PLD5: variants seen among roughly 807,000 people sequenced by gnomAD.
The protein encoded by PLD5 is phospholipase D family member 5.
Under a neutral mutation model 61.1 loss-of-function variants are expected in PLD5, and 36 were observed. That is an observed-to-expected ratio of 0.59 (90% CI 0.45 to 0.78). The LOEUF (loss-of-function observed/expected upper bound fraction) is 0.78, where lower values mean the gene tolerates loss of function less well. Among genes scored for constraint, PLD5 ranks in the 30% least tolerant of loss-of-function variants. The probability of loss-of-function intolerance (pLI) is 0.00; values close to 1 mark genes in which losing one functional copy is unlikely to be tolerated. For synonymous variants in PLD5, 243 were observed against 242.8 expected (o/e 1.00, Z -0.01); for missense variants, 515 against 644.4 (o/e 0.80, Z 2.17).
intron 1 of PLD5, among the ~76,000 whole-genome samples, chr1:242,445,748 G>A (rs546879811): frequency 1.1e-4 from 16 of 139,484 alleles, no homozygotes; most frequent in African/African-American, 4.0e-4. Flanking sequence ...CAGTGAGGGG[G>A]TTTTATTCAC....
At chr1:242,360,696 A>G (rs1469481465) in intron 1 of PLD5, among the ~76,000 whole-genome samples, 2 of 152,160 alleles carry the variant, frequency 1.3e-5, no homozygotes, top group Non-Finnish European at 2.9e-5. Flanking sequence ...CTTTCATAGC[A>G]TAGTTCTAAA....
chr1:242,450,169 A>C (rs943009557), intron 1 of PLD5, among the ~76,000 whole-genome samples: 72 of 152,228 alleles, frequency 4.7e-4, no homozygotes, highest in African/African-American at 1.7e-3. Flanking sequence ...TTATCTCAGA[A>C]GAATTCAATC....
chr1:242,085,800 G>A lies in PLD5; in HGVS notation c.*4054C>T, dbSNP rs997933351. ...GCTGTTCTATGCAAGTAATGGCAGC[G>A]TTTTACATTCCTAAAGTTAAAAATA... On this transcript the variant is annotated 3_prime_UTR_variant, in exon 10 of 10. Coordinates refer to ENST00000536534, the MANE Select transcript of PLD5 (RefSeq NM_001372062.1). 2.6e-5 allele frequency: 4 copies of A among 151,866 alleles called. No individual in the cohort carries two copies. The highest frequency in any genetic ancestry group is 4.8e-5 in the African/African-American group (2 of 41,374). 9.4% of individuals were successfully genotyped at this position (151,866 alleles called of 1,614,324 possible).
intron 4 of PLD5, among the ~76,000 whole-genome samples, chr1:242,258,343 G>A (rs1673197835): frequency 6.6e-6 from 1 of 152,116 alleles, no homozygotes; most frequent in African/African-American, 2.4e-5. Flanking sequence ...GTTGCAAGAG[G>A]TTTAGTTTAG....
intron 2 of PLD5, among the ~76,000 whole-genome samples, chr1:242,334,097 A>G (rs10754761): frequency 0.97 from 148,060 of 152,184 alleles, 72,138 homozygotes; most frequent in Non-Finnish European, 1. Context: ...CTCCATAGTG[A>G]CTGTACTAAT....
intron 1 of PLD5, among the ~76,000 whole-genome samples, chr1:242,394,164 A>ATATATGTG (rs1275140297): frequency 2.4e-5 from 2 of 84,506 alleles, no homozygotes; most frequent in African/African-American, 4.8e-5. Context: ...ATATATGAGT[A>ATATATGTG]TATATATGTG....
At chr1:242,395,282 C>T (rs1663505469) in intron 1 of PLD5, among the ~76,000 whole-genome samples, 1 of 151,974 alleles carries the variant, frequency 6.6e-6, no homozygotes, top group Admixed American at 6.6e-5. Context: ...GGTACTACGC[C>T]TTCCTTATTC....
intron 1 of PLD5, among the ~76,000 whole-genome samples, chr1:242,497,692 C>A (rs188496399): frequency 2.3e-3 from 348 of 152,350 alleles, no homozygotes; most frequent in African/African-American, 7.9e-3. Flanking sequence ...ATTTGAAGAA[C>A]CTAGTGTTAT....
intron 2 of PLD5, among the ~76,000 whole-genome samples, chr1:242,305,111 A>C (rs943022587): frequency 2.7e-5 from 4 of 145,698 alleles, no homozygotes; most frequent in African/African-American, 1.1e-4. Flanking sequence ...TTCTCAAAAA[A>C]TAAAATAAAA....
intron 1 of PLD5, among the ~76,000 whole-genome samples, chr1:242,509,600 G>T (rs1333979543): frequency 6.6e-6 from 1 of 152,204 alleles, no homozygotes; most frequent in Non-Finnish European, 1.5e-5. Context: ...TGGGCAGAGA[G>T]ATAGTAAAGC....
chr1:242,262,300 G>C (rs974066124), intron 4 of PLD5, among the ~76,000 whole-genome samples: 3 of 152,168 alleles, frequency 2.0e-5, no homozygotes, highest in African/African-American at 7.2e-5. Context: ...CCTCTGCGGA[G>C]GGCACTGACT....
chr1:242,284,352 G>C (rs1674901530), intron 3 of PLD5, among the ~76,000 whole-genome samples: 1 of 151,924 alleles, frequency 6.6e-6, no homozygotes, highest in Non-Finnish European at 1.5e-5. Flanking sequence ...TGCCAGGCTG[G>C]TTTCAAACTC....
At chr1:242,492,093 GCAAA>G (rs1259592823) in intron 1 of PLD5, among the ~76,000 whole-genome samples, 1 of 152,054 alleles carries the variant, frequency 6.6e-6, no homozygotes, top group Non-Finnish European at 1.5e-5. Flanking sequence ...TTTTAGTATA[GCAAA>G]CAGTCTCTTA....
At chr1:242,527,279 C>G (rs1466183662), upstream of PLD5, among the ~76,000 whole-genome samples, 1 of 151,728 alleles carries the variant, frequency 6.6e-6, no homozygotes, top group East Asian at 1.9e-4. Flanking sequence ...TATAGGCATG[C>G]ACTATCACAC....
At chr1:242,500,039 T>C (rs780707028) in intron 1 of PLD5, among the ~76,000 whole-genome samples, 2 of 152,182 alleles carry the variant, frequency 1.3e-5, no homozygotes, top group Non-Finnish European at 2.9e-5. Context: ...AGGGTCGTCA[T>C]ACTTATAGTG....
At chr1:242,513,080 A>G (rs1431851313) in intron 1 of PLD5, among the ~76,000 whole-genome samples, 1 of 151,956 alleles carries the variant, frequency 6.6e-6, no homozygotes, top group African/African-American at 2.4e-5. Flanking sequence ...GGATCTCACT[A>G]TGTTTTCCAG....
intron 1 of PLD5, among the ~76,000 whole-genome samples, chr1:242,454,124 G>A (rs1666869946): frequency 6.6e-6 from 1 of 152,138 alleles, no homozygotes; most frequent in Non-Finnish European, 1.5e-5. Flanking sequence ...GAGGTCAGGA[G>A]TTTGAGACCA....
chr1:242,139,769 T>C (rs1664019989), intron 5 of PLD5, among the ~76,000 whole-genome samples: 1 of 152,150 alleles, frequency 6.6e-6, no homozygotes, highest in African/African-American at 2.4e-5. Flanking sequence ...CTTACCAGCA[T>C]TGGTGGATGC....
intron 5 of PLD5, among the ~76,000 whole-genome samples, chr1:242,157,348 A>G (rs1260082533): frequency 6.6e-6 from 1 of 152,158 alleles, no homozygotes; most frequent in Non-Finnish European, 1.5e-5. Context: ...TCTGAAGCCT[A>G]CTTATGTCAG....
Sources: allele counts gnomAD v4.1 joint callset (sites outside exome capture counted in the v4.1 genomes callset), GRCh38; gene constraint gnomAD v4.1.1; transcripts MANE v1.5; gene names NCBI Gene and HGNC (gene_info 2026-07-23, HGNC 2026-07-21).